Variants in NPAS2 observed in about 807,000 individuals in gnomAD.
NPAS2 encodes the protein neuronal PAS domain-containing protein 2.
In NPAS2, 23 loss-of-function variants were observed where a neutral mutation model predicts 107.5. That is an observed-to-expected ratio of 0.21 (90% CI 0.15 to 0.30). The LOEUF (loss-of-function observed/expected upper bound fraction) is 0.30. Among genes scored for constraint, NPAS2 ranks in the 10% least tolerant of loss-of-function variants. The pLI, the probability that NPAS2 is intolerant of heterozygous loss-of-function variation, is 1.00. For missense variants in NPAS2, 756 were observed against 1,043.3 expected, an observed-to-expected ratio of 0.72 and a Z score of 3.79; for synonymous variants, 403 against 417.5, an observed-to-expected ratio of 0.97 and a Z score of 0.42.
Position 100,820,747 on chromosome 2 carries a change from A to G in NPAS2, c.-23+333A>G, listed in dbSNP as rs148874699. Among the ~76,000 whole-genome samples the G allele has an allele frequency of 6.6e-6, 1 of 152,122 alleles. No homozygotes were observed. The highest frequency in any genetic ancestry group is 1.5e-5 in the Non-Finnish European group (1 of 67,962). On this transcript the variant is annotated intron_variant, in intron 1 of 20. Transcript: ENST00000335681. The surrounding 1 kb of genome is among the most constrained non-coding windows in gnomAD (Gnocchi z 5.6). Reference sequence around the variant, plus strand: ...CCTCGGGGTGTCCGACAGGGTGGAGAAGGATCGTGCCCCAGGGCAACAGCT... The same window carrying G: ...CCTCGGGGTGTCCGACAGGGTGGAGGAGGATCGTGCCCCAGGGCAACAGCT...
At chr2:100,904,520 T>C (rs947547452) in intron 1 of NPAS2, among the ~76,000 whole-genome samples, 5 of 152,194 alleles carry the variant, frequency 3.3e-5, no homozygotes, top group African/African-American at 4.8e-5. Flanking sequence ...AGAGTGCCTG[T>C]GCATTTAAAC....
chr2:100,838,607 G>A (rs1677204859), intron 1 of NPAS2, among the ~76,000 whole-genome samples: 1 of 152,128 alleles, frequency 6.6e-6, no homozygotes, highest in Non-Finnish European at 1.5e-5. Context: ...TGCATAGTCA[G>A]TACGCTGAGA....
intron 16 of NPAS2, chr2:100,987,184 G>C (rs760257387): frequency 6.6e-6 from 1 of 152,204 alleles, no homozygotes; most frequent in Admixed American, 6.5e-5. Flanking sequence ...CGATCTGCCC[G>C]CCTTGGCCTC....
At chr2:100,991,056 G>A (rs896582646) in intron 19 of NPAS2, among the ~76,000 whole-genome samples, 184 bp downstream of exon 19, 1 of 152,200 alleles carries the variant, frequency 6.6e-6, no homozygotes. Context: ...TCCCAATTAA[G>A]CAGAAAAAAC....
intron 1 of NPAS2, among the ~76,000 whole-genome samples, chr2:100,871,531 G>A (rs766014929): frequency 1.3e-5 from 2 of 151,826 alleles, no homozygotes; most frequent in Non-Finnish European, 2.9e-5. Context: ...AGGTTTCTCC[G>A]TGTTGGCCAG....
chr2:100,831,107 C>G (rs1056478480), intron 1 of NPAS2, among the ~76,000 whole-genome samples: 1 of 151,934 alleles, frequency 6.6e-6, no homozygotes, highest in African/African-American at 2.4e-5. Context: ...CAAGACCAGC[C>G]TGGGCAACAT....
intron 1 of NPAS2, among the ~76,000 whole-genome samples, chr2:100,850,003 TCTTTTTGTAAAAAAAAAAAAAAA>T (rs1678048545): frequency 1.0e-5 from 1 of 95,608 alleles, no homozygotes; most frequent in African/African-American, 4.2e-5. Context: ...TAACAGTAAC[TCTTTTTGTAAAAAAAAAAAAAAA>T]AAAAAAAAAA....
chr2:100,994,791 G>C (rs749777046), intron 20 of NPAS2: 1 of 152,418 alleles, frequency 6.6e-6, no homozygotes, highest in Non-Finnish European at 1.5e-5. Flanking sequence ...AAAAGTTCAG[G>C]GCAGCTGTGC....
chr2:100,975,659 A>T lies in NPAS2; in HGVS notation c.1392+92A>T, dbSNP rs543416910. 14 of 924,576 alleles carry T rather than the reference A, an allele frequency of 1.5e-5. No homozygotes were observed. In the South Asian group the frequency reaches 2.7e-4, roughly 18 times the overall value. 57.3% of individuals were successfully genotyped at this position (924,576 alleles called of 1,614,324 possible). On this transcript the variant is annotated intron_variant, in intron 14 of 20. Coordinates refer to ENST00000335681, the MANE Select transcript of NPAS2 (RefSeq NM_002518.4). ...GCGATGTGCTGCGTCTCCCCAGAGA[A>T]TCCGTTTTACTTAGGGATTGAGAGT...
At chr2:100,958,127 A>G (rs1029648718) in intron 7 of NPAS2, among the ~76,000 whole-genome samples, 2 of 152,196 alleles carry the variant, frequency 1.3e-5, no homozygotes, top group Non-Finnish European at 2.9e-5. Flanking sequence ...CACCCTCGGC[A>G]AACATTCCAC....
At chr2:100,919,515 C>G (rs913316037) in intron 2 of NPAS2, among the ~76,000 whole-genome samples, 1 of 152,212 alleles carries the variant, frequency 6.6e-6, no homozygotes, top group African/African-American at 2.4e-5. Context: ...GCAGCAGCGC[C>G]GTGCTGTGCT....
At chr2:100,953,366 T>A (rs1485756237) in intron 7 of NPAS2, among the ~76,000 whole-genome samples, 1 of 130,284 alleles carries the variant, frequency 7.7e-6, no homozygotes. Flanking sequence ...AGAGTGAAAC[T>A]CCATCTCATA....
chr2:100,842,081 G>GCGCGCGCGCGCGCACACACA, intron 1 of NPAS2, among the ~76,000 whole-genome samples: 9 of 148,798 alleles, frequency 6.0e-5, no homozygotes, highest in African/African-American at 1.7e-4. Flanking sequence ...GCATGTACGC[G>GCGCGCGCGCGCGCACACACA]CACACACACA....
chr2:100,929,752 G>A (rs1400157438), intron 3 of NPAS2, among the ~76,000 whole-genome samples: 1 of 152,152 alleles, frequency 6.6e-6, no homozygotes, highest in Non-Finnish European at 1.5e-5. Context: ...TAAGGCCCAG[G>A]CATCAGCATT....
chr2:100,869,900 CTTT>C (rs34489501), intron 1 of NPAS2, among the ~76,000 whole-genome samples: 77 of 82,492 alleles, frequency 9.3e-4, no homozygotes, highest in African/African-American at 3.1e-3. Flanking sequence ...CTCCTGACTT[CTTT>C]TTTTTTTTTT....
intron 1 of NPAS2, chr2:100,846,821 A>G (rs996071382): frequency 6.6e-6 from 1 of 152,164 alleles, no homozygotes; most frequent in African/African-American, 2.4e-5. Context: ...TACTCATGCT[A>G]TTCTCATTTT....
rs374012473 is a variant in NPAS2 at position 100,948,216 on chromosome 2, C to T, written c.364-19C>T. 1.9e-6 allele frequency: 3 copies of T among 1,610,682 alleles called. No homozygotes were observed. Among genetic ancestry groups the T allele is most frequent in the Non-Finnish European group, 2.5e-6 (3 of 1,179,206 alleles). On this transcript the variant is annotated intron_variant, in intron 5 of 20. Coordinates refer to ENST00000335681, the MANE Select transcript of NPAS2 (RefSeq NM_002518.4). ...ATCTTCGTTGAGGGTGTACCTTTGTCCTTTATTTTCTTTTTCAGTCGGATG... is the reference window on the plus strand; with the variant it reads ...ATCTTCGTTGAGGGTGTACCTTTGTTCTTTATTTTCTTTTTCAGTCGGATG...
intron 4 of NPAS2, among the ~76,000 whole-genome samples, chr2:100,934,399 C>G (rs967971743): frequency 6.6e-6 from 1 of 151,096 alleles, no homozygotes; most frequent in Admixed American, 6.6e-5. Flanking sequence ...GAATAAATTT[C>G]GGGGCTAGAA....
At chr2:100,867,522 T>C (rs1013145058) in intron 1 of NPAS2, among the ~76,000 whole-genome samples, 1 of 152,214 alleles carries the variant, frequency 6.6e-6, no homozygotes, top group Non-Finnish European at 1.5e-5. Flanking sequence ...ATTCCTTTTG[T>C]TAGTATTTAC....
Sources: gnomAD v4.1 joint callset for allele counts (sites outside exome capture counted in the v4.1 genomes callset) on GRCh38, gnomAD v4.1.1 for gene constraint, Gnocchi (gnomAD v3.1) non-coding constraint, MANE v1.5 for transcripts, NCBI Gene and HGNC (gene_info 2026-07-23, HGNC 2026-07-21) for gene names.